SGCE: variants seen among roughly 807,000 people sequenced by gnomAD.
SGCE encodes epsilon-sarcoglycan.
In SGCE, 26 loss-of-function variants were observed where a neutral mutation model predicts 57.8. The observed-to-expected ratio is 0.45, with a 90% confidence interval of 0.33 to 0.62. The LOEUF is 0.62. Among genes scored for constraint, SGCE ranks in the 20% least tolerant of loss-of-function variants. The pLI, the probability that SGCE is intolerant of heterozygous loss-of-function variation, is 0.02. For missense variants in SGCE, 468 were observed against 548.6 expected, an observed-to-expected ratio of 0.85 and a Z score of 1.47; for synonymous variants, 183 against 189.5, an observed-to-expected ratio of 0.97 and a Z score of 0.28.
intron 1 of SGCE, among the ~76,000 whole-genome samples, chr7:94,646,090 G>A (rs1807030812): frequency 6.6e-6 from 1 of 152,132 alleles, no homozygotes; most frequent in African/African-American, 2.4e-5. Context: ...CTAAAAAGAT[G>A]GCATCTCAGC....
chr7:94,619,198 C>A (rs915255094), intron 4 of SGCE: 11 of 407,292 alleles, frequency 2.7e-5, no homozygotes, highest in East Asian at 4.5e-5. Context: ...CTCATCAGGG[C>A]AATTTATAGT....
chr7:94,651,949 T>G (rs1026182691), intron 1 of SGCE, among the ~76,000 whole-genome samples: 95 of 152,130 alleles, frequency 6.2e-4, no homozygotes, highest in African/African-American at 2.2e-3. Context: ...TTTTTTTTTT[T>G]GTTTCTCGTA....
At chr7:94,641,271 G>C (rs1266416544) in intron 1 of SGCE, among the ~76,000 whole-genome samples, 2 of 152,206 alleles carry the variant, frequency 1.3e-5, no homozygotes, top group African/African-American at 4.8e-5. Context: ...GTGGAGTTCT[G>C]ATAAAGTGGT....
rs552304446 is a variant in SGCE, at chr7:94,636,871, C to CT, written c.110-7031dup. On this transcript the variant is annotated intron_variant, in intron 1 of 10. Transcript: ENST00000648936. ...CTGAGGTCAGGAGTTCAAGACCAGC[C>CT]TGGCCAACATGGTGAAACCCCATCT... is the stretch of plus-strand genomic sequence containing the variant. 3.2e-4 allele frequency among the ~76,000 whole-genome samples: 48 copies of CT among 152,200 alleles called. 1 individual carries two copies. In the South Asian group the frequency reaches 9.9e-3, roughly 32 times the overall value.
At chr7:94,611,889 A>C (rs532020858) in intron 5 of SGCE, among the ~76,000 whole-genome samples, 1 of 152,208 alleles carries the variant, frequency 6.6e-6, no homozygotes, top group Non-Finnish European at 1.5e-5. Context: ...TGGGAAACAA[A>C]TAGTAAATAA....
chr7:94,592,208 T>C (rs1209953835), intron 9 of SGCE, among the ~76,000 whole-genome samples: 8 of 152,220 alleles, frequency 5.3e-5, no homozygotes, highest in Non-Finnish European at 1.2e-4. Flanking sequence ...TAAAACTGTG[T>C]ATTTCATTTA....
chr7:94,618,576 A>G (rs1802287511), intron 5 of SGCE, 182 bp downstream of exon 5: 1 of 580,144 alleles, frequency 1.7e-6, no homozygotes, highest in Non-Finnish European at 3.0e-6. Context: ...TTGAGATATA[A>G]AAAACCACTA....
intron 10 of SGCE, chr7:94,588,176 C>T: frequency 9.2e-7 from 1 of 1,089,530 alleles, no homozygotes; most frequent in Non-Finnish European, 1.1e-6. Flanking sequence ...ATAGAATAAT[C>T]CAAGGAGAAT....
chr7:94,612,063 C>T lies in SGCE; in HGVS notation c.662+6695G>A, dbSNP rs187955756. On this transcript the variant is annotated intron_variant, in intron 5 of 10. Transcript: ENST00000648936. ...TCTATCCTTTTAGTAACTACCAAGG[C>T]AACACCATATTTTTCCTTGGTAATT... Among the ~76,000 whole-genome samples the T allele has an allele frequency of 1.1e-3, 163 of 152,256 alleles. 1 individual carries two copies. The highest frequency in any genetic ancestry group is 3.6e-3 in the African/African-American group (150 of 41,558).
In SGCE at chr7:94,587,425, G is replaced by A. The variant is rs931818615; in HGVS notation, c.1297+1264C>T. ...TGCCTGAAATAATTAAGAATCAGAA[G>A]ATAGAAATCTTAGGCGAGATGGAAG... On this transcript the variant is annotated intron_variant, in intron 10 of 10. Coordinates refer to ENST00000648936, the MANE Select transcript of SGCE (RefSeq NM_003919.3). 9.5e-6 allele frequency: 11 copies of A among 1,154,408 alleles called. No homozygotes were observed. The African/African-American group carries it at 1.6e-4, about 17-fold the overall frequency. The allele number at this position is 1,154,408 out of a possible 1,614,324, so 71.5% of individuals were successfully genotyped here.
rs1797112308 is a variant in SGCE at position 94,587,864 on chromosome 7, CCAACA to C, written c.1297+820_1297+824del. The C allele has an allele frequency of 1.9e-5, 29 of 1,524,018 alleles. No homozygotes were observed. In the South Asian group the frequency reaches 3.6e-4, roughly 19 times the overall value. 94.4% of individuals were successfully genotyped at this position (1,524,018 alleles called of 1,614,324 possible). A position where few individuals can be genotyped will look rare whatever the true frequency, so the allele number is the denominator to read the frequency against. On this transcript the variant is annotated intron_variant, in intron 10 of 10. Coordinates refer to ENST00000648936, the MANE Select transcript of SGCE (RefSeq NM_003919.3). ...GAAGATAATTTCTGAATGAAAACAT[CCAACA>C]CATTTCTGAATGTGCCTGAAGTTTT... is the stretch of plus-strand genomic sequence containing the variant.
intron 1 of SGCE, among the ~76,000 whole-genome samples, chr7:94,648,202 G>A (rs924948386): frequency 1.3e-5 from 2 of 151,684 alleles, no homozygotes; most frequent in East Asian, 1.9e-4. Context: ...GTGAAACTCC[G>A]TCTTTACTAA....
intron 10 of SGCE, chr7:94,587,580 G>A (rs895279623): frequency 7.3e-7 from 1 of 1,372,082 alleles, no homozygotes. Context: ...CTCTCTTTAG[G>A]TGACTCATTT....
In SGCE at chr7:94,598,586, G is replaced by A. The variant is rs1158089963; in HGVS notation, c.1253+189C>T. The A allele has an allele frequency of 6.6e-6, 4 of 606,716 alleles. No homozygotes were observed. The East Asian group carries it at 1.1e-4, about 17-fold the overall frequency. The allele number at this position is 606,716 out of a possible 1,614,324, so 37.6% of individuals were successfully genotyped here. On this transcript the variant is annotated intron_variant, in intron 9 of 10. Transcript: ENST00000648936. ...TGTTTGGATCAGTGGGGGAAAAAAA[G>A]TGCATTTCCTAAAAGTAATTGTATT...
Position 94,618,819 on chromosome 7 carries a change from T to C in SGCE, c.601A>G (p.Ile201Val). The C allele has an allele frequency of 1.2e-6, 2 of 1,614,084 alleles. No individual in the cohort carries two copies. The highest frequency in any genetic ancestry group is 2.2e-5 in the South Asian group (2 of 91,076). The change falls in exon 5 of 11, where the codon ATC becomes GTC. Residue 201 changes from isoleucine (I) to valine (V), a missense_variant. By Grantham distance (29) the Ile-to-Val change is conservative. Transcript: ENST00000648936. Reference sequence around the variant, plus strand: ...CCACCCCTGTCTAGGGCCGATGTGATGTTTATGGCGTTCAGGCGCTCTGGC... The same window carrying C: ...CCACCCCTGTCTAGGGCCGATGTGACGTTTATGGCGTTCAGGCGCTCTGGC... Reference protein sequence around the residue: ...WQPERLNAINITSALDRGGRV... With the variant: ...WQPERLNAINVTSALDRGGRV...
rs561858113 is a variant in SGCE at position 94,644,653 on chromosome 7, C to T, written c.109+11337G>A. On this transcript the variant is annotated intron_variant, in intron 1 of 10. Coordinates refer to ENST00000648936, the MANE Select transcript of SGCE (RefSeq NM_003919.3). ...TTTCTCTGTCCACTACTTCATTTGT[C>T]TCTTTCATATTCCACTGTAAGGGGG... The T allele has an allele frequency of 4.9e-4, 626 of 1,286,270 alleles. 3 individuals carry two copies. The African/African-American group carries it at 8.7e-3, about 18-fold the overall frequency. The allele number at this position is 1,286,270 out of a possible 1,614,324, so 79.7% of individuals were successfully genotyped here.
At chr7:94,628,436 T>G in intron 2 of SGCE, 77 bp from the exon 3 acceptor site, 1 of 1,291,208 alleles carries the variant, frequency 7.7e-7, no homozygotes, top group Non-Finnish European at 1.1e-6. Flanking sequence ...AATCAAAACA[T>G]TCTGTCTAAA....
At chr7:94,585,613 T>A (rs903955135) in intron 10 of SGCE, 98 bp from the exon 11 acceptor site, 28 of 814,202 alleles carry the variant, frequency 3.4e-5, no homozygotes, top group Non-Finnish European at 4.9e-5. Context: ...AAAGTTTCCA[T>A]CTTCTTAATA....
intron 5 of SGCE, 38 bp from the exon 6 acceptor site, chr7:94,603,490 A>C (rs771460445): frequency 5.6e-6 from 9 of 1,597,756 alleles, no homozygotes; most frequent in Non-Finnish European, 7.7e-6. Flanking sequence ...TCCTTTAAGA[A>C]AATTGAAAAC....
Sources: allele counts gnomAD v4.1 joint callset (sites outside exome capture counted in the v4.1 genomes callset), GRCh38; gene constraint gnomAD v4.1.1; transcripts MANE v1.5; gene names NCBI Gene and HGNC (gene_info 2026-07-23, HGNC 2026-07-21).